The following USH2A variants were observed in gnomAD, a reference collection of about 807,000 sequenced individuals.
USH2A encodes usherin, also known as Usher syndrome 2A (autosomal recessive, mild).
Under a neutral mutation model 538.9 loss-of-function variants are expected in USH2A, and 443 were observed. The ratio of observed to expected loss-of-function variants is 0.82; its 90% CI spans 0.76 to 0.89. USH2A has a LOEUF of 0.89. Among genes scored for constraint, USH2A ranks in the 40% least tolerant of loss-of-function variants. USH2A has a pLI of 0.00. For synonymous variants in USH2A, 2,413 were observed against 2,273.5 expected, an observed-to-expected ratio of 1.06 and a Z score of -1.75; for missense variants, 6,633 against 6,324.8, an observed-to-expected ratio of 1.05 and a Z score of -1.65.
chr1:215,822,150 T>C (rs1234101640), intron 47 of USH2A, among the ~76,000 whole-genome samples: 1 of 152,002 alleles, frequency 6.6e-6, no homozygotes, highest in East Asian at 1.9e-4. Flanking sequence ...CTTTTCTATT[T>C]CTGTGAAGAA....
chr1:215,640,788 A>T, intron 67 of USH2A, 54 bp from the exon 68 acceptor site: 1 of 1,536,238 alleles, frequency 6.5e-7, no homozygotes, highest in Non-Finnish European at 8.9e-7. Flanking sequence ...GAAGGAGTGC[A>T]GGTGTGCACT....
chr1:215,979,092 A>C (rs1391418291), intron 35 of USH2A, among the ~76,000 whole-genome samples: 5 of 152,180 alleles, frequency 3.3e-5, no homozygotes, highest in Non-Finnish European at 7.3e-5. Flanking sequence ...TAATCATGGC[A>C]GAAGGTGGAG....
intron 21 of USH2A, among the ~76,000 whole-genome samples, chr1:216,156,923 G>T (rs1250509209): frequency 1.3e-5 from 2 of 151,398 alleles, no homozygotes; most frequent in African/African-American, 4.9e-5. Context: ...TGCCAGGCTG[G>T]AGTGCAGTGG....
At chr1:215,729,508 A>G (rs1438081792) in intron 60 of USH2A, among the ~76,000 whole-genome samples, 1 of 152,252 alleles carries the variant, frequency 6.6e-6, no homozygotes, top group Non-Finnish European at 1.5e-5. Context: ...AACAAGGGTA[A>G]AAAGATGAAC....
chr1:216,117,659 G>A (rs556323514), intron 21 of USH2A, among the ~76,000 whole-genome samples: 1 of 152,060 alleles, frequency 6.6e-6, no homozygotes, highest in South Asian at 2.1e-4. Context: ...AAACTTTTAA[G>A]TGTTTTAGCT....
chr1:215,988,721 C>T (rs1667937783), intron 35 of USH2A, among the ~76,000 whole-genome samples: 2 of 152,002 alleles, frequency 1.3e-5, no homozygotes, highest in Non-Finnish European at 2.9e-5. Flanking sequence ...TTTAACTGAG[C>T]AATTATTATG....
chr1:215,743,248 T>C lies in USH2A; in HGVS notation c.11477A>G (p.His3826Arg). 1 of 1,612,548 alleles carries C rather than the reference T, an allele frequency of 6.2e-7. No individual in the cohort carries two copies. Among genetic ancestry groups the C allele is most frequent in the Non-Finnish European group, 8.5e-7 (1 of 1,179,536 alleles). The change falls in exon 59 of 72, where the codon CAT becomes CGT. Residue 3826 changes from histidine (H) to arginine (R), a missense_variant. His to Arg is a conservative substitution (Grantham distance 29). Coordinates refer to ENST00000307340, the MANE Select transcript of USH2A (RefSeq NM_206933.4). ...CAAATTTTCCAGAAGGGTGGATTGATGATGACCAACGGAGAAGGCCAGAGG... is the reference window on the plus strand; with the variant it reads ...CAAATTTTCCAGAAGGGTGGATTGACGATGACCAACGGAGAAGGCCAGAGG... ...VTPLAFSVGH[H>R]QSTLLENLTP...
At chr1:215,845,737 G>T in intron 45 of USH2A, 87 bp downstream of exon 45, 1 of 1,430,988 alleles carries the variant, frequency 7.0e-7, no homozygotes, top group African/African-American at 1.4e-5. Context: ...ATTTTATAAT[G>T]GAGGGATGAC....
Position 215,759,926 on chromosome 1 carries a change from T to G in USH2A, c.11048-83A>C, listed in dbSNP as rs1197266219. On this transcript the variant is annotated intron_variant, in intron 56 of 71. Transcript: ENST00000307340. Reference sequence around the variant, plus strand: ...AAGTCACACCATCCCCCCCATGAACTGTGATATTTTTTCTGTTGATTTTAA... The same window carrying G: ...AAGTCACACCATCCCCCCCATGAACGGTGATATTTTTTCTGTTGATTTTAA... 3 of 1,517,618 alleles carry G rather than the reference T, an allele frequency of 2.0e-6. No individual in the cohort carries two copies. The East Asian group carries it at 6.8e-5, about 34-fold the overall frequency. The allele number at this position is 1,517,618 out of a possible 1,614,324, so 94.0% of individuals were successfully genotyped here.
chr1:216,023,715 T>C (rs1453537801), intron 32 of USH2A, among the ~76,000 whole-genome samples: 2 of 152,076 alleles, frequency 1.3e-5, no homozygotes, highest in Non-Finnish European at 2.9e-5. Context: ...TACATTTAGA[T>C]ACAAGTCATT....
chr1:216,089,230 C>A, intron 22 of USH2A, 91 bp from the exon 23 acceptor site: 1 of 1,369,690 alleles, frequency 7.3e-7, no homozygotes, highest in Non-Finnish European at 1.0e-6. Flanking sequence ...TTACAAGTTT[C>A]AAGATTATGA....
At chr1:215,866,535 T>C (rs777404165) in intron 44 of USH2A, among the ~76,000 whole-genome samples, 2 of 152,204 alleles carry the variant, frequency 1.3e-5, no homozygotes, top group Admixed American at 1.3e-4. Context: ...TGTTCCATTA[T>C]TGCAATCCAA....
At position 216,013,868 on chromosome 1, in the gene USH2A, G is replaced by A. The variant is rs568949614; in HGVS notation, c.6326-13306C>T. 1.8e-4 allele frequency among the ~76,000 whole-genome samples: 28 copies of A among 152,274 alleles called. No individual in the cohort carries two copies. In the South Asian group the frequency reaches 5.8e-3, roughly 32 times the overall value. On this transcript the variant is annotated intron_variant, in intron 32 of 71. Coordinates refer to ENST00000307340, the MANE Select transcript of USH2A (RefSeq NM_206933.4). ...GTGGTCTCTTCACACGGACTCACAT[G>A]AAAGTCACTACAATAGAAATTGGGT...
In USH2A at chr1:215,854,152, C is replaced by T. The variant is rs559223276; in HGVS notation, c.8846-8119G>A. Among the ~76,000 whole-genome samples the T allele has an allele frequency of 1.2e-3, 188 of 152,274 alleles. 3 individuals are homozygous for T. Among genetic ancestry groups the T allele is most frequent in the African/African-American group, 3.2e-3 (132 of 41,562 alleles). ...GTTCCACATGGCTTGGGAGGCCTCA[C>T]AATCATGGTGGAAGGTGAAAGGCAC... On this transcript the variant is annotated intron_variant, in intron 44 of 71. Coordinates refer to ENST00000307340, the MANE Select transcript of USH2A (RefSeq NM_206933.4).
intron 4 of USH2A, among the ~76,000 whole-genome samples, chr1:216,360,787 C>A (rs942028214): frequency 6.6e-6 from 1 of 151,930 alleles, no homozygotes; most frequent in African/African-American, 2.4e-5. Flanking sequence ...ATACAGACAA[C>A]TAAAAACATT....
At chr1:216,295,175 G>T (rs1224262529) in intron 9 of USH2A, among the ~76,000 whole-genome samples, 2 of 151,512 alleles carry the variant, frequency 1.3e-5, no homozygotes, top group South Asian at 4.2e-4. Flanking sequence ...AGAAGAAATT[G>T]CTACTTCAAA....
chr1:216,323,379 A>G (rs2102652725), intron 8 of USH2A, 95 bp downstream of exon 8: 1 of 1,255,522 alleles, frequency 8.0e-7, no homozygotes. Flanking sequence ...TTCAAAATGT[A>G]AAGCTTGAAA....
chr1:215,668,323 T>C (rs748358040), intron 64 of USH2A, among the ~76,000 whole-genome samples: 1 of 152,232 alleles, frequency 6.6e-6, no homozygotes, highest in Admixed American at 6.5e-5. Flanking sequence ...AGGGTCCACA[T>C]AGACTCAATA....
chr1:215,673,435 T>C (rs1302948330), intron 63 of USH2A, among the ~76,000 whole-genome samples: 1 of 152,188 alleles, frequency 6.6e-6, no homozygotes, highest in Non-Finnish European at 1.5e-5. Flanking sequence ...ACTTAAAATG[T>C]GATGGGGAAA....
Sources: gnomAD v4.1 joint callset for allele counts (sites outside exome capture counted in the v4.1 genomes callset) on GRCh38, gnomAD v4.1.1 for gene constraint, MANE v1.5 for transcripts, NCBI Gene and HGNC (gene_info 2026-07-23, HGNC 2026-07-21) for gene names.